The following NBAS variants were observed in gnomAD, a reference collection of about 807,000 sequenced individuals.
NBAS encodes NAG/BC035112 fusion.
A neutral mutation model predicts 302.5 loss-of-function variants in NBAS; 219 were observed. The ratio of observed to expected loss-of-function variants is 0.72; its 90% confidence interval spans 0.65 to 0.81. The LOEUF (loss-of-function observed/expected upper bound fraction) is 0.81, where lower values mean the gene tolerates loss of function less well. NBAS is among the 30% of genes least tolerant of loss of function. The pLI is 0.00. For missense variants in NBAS, 2,932 were observed against 2,841.6 expected, an observed-to-expected ratio of 1.03 and a Z score of -0.72; for synonymous variants, 1,118 against 1,021.6, an observed-to-expected ratio of 1.09 and a Z score of -1.80.
intron 16 of NBAS, among the ~76,000 whole-genome samples, chr2:15,468,803 T>C (rs1679834932): frequency 6.6e-6 from 1 of 152,222 alleles, no homozygotes. Context: ...TTTTTGGAAA[T>C]ATAAAATGTT....
chr2:15,507,215 A>C (rs1207615243), intron 10 of NBAS, among the ~76,000 whole-genome samples: 3 of 152,238 alleles, frequency 2.0e-5, no homozygotes, highest in Admixed American at 2.0e-4. Context: ...CCTTAGCCTG[A>C]GCAAGGACAG....
intron 26 of NBAS, chr2:15,397,548 T>C (rs1572781468): frequency 3.3e-6 from 2 of 613,300 alleles, no homozygotes; most frequent in East Asian, 4.3e-5. Context: ...TTGCTGTGAA[T>C]TGCACAACCC....
chr2:14,981,074 C>G, the NBAS span, among the ~76,000 whole-genome samples: 1 of 150,584 alleles, frequency 6.6e-6, no homozygotes, highest in African/African-American at 2.4e-5. Flanking sequence ...GAAAAAAAAA[C>G]AGAAGAAAAA....
the NBAS span, among the ~76,000 whole-genome samples, chr2:15,107,312 A>G: frequency 6.6e-6 from 1 of 152,078 alleles, no homozygotes; most frequent in Non-Finnish European, 1.5e-5. Flanking sequence ...GCCAAGAAGA[A>G]AGTCCTCATG....
chr2:15,459,085 G>C (rs1439927270), intron 21 of NBAS, among the ~76,000 whole-genome samples: 1 of 152,170 alleles, frequency 6.6e-6, no homozygotes, highest in African/African-American at 2.4e-5. Flanking sequence ...GTGTGGCATT[G>C]GGTACTGTGC....
At chr2:14,989,397 G>C in the NBAS span, among the ~76,000 whole-genome samples, 1 of 150,962 alleles carries the variant, frequency 6.6e-6, no homozygotes, top group Non-Finnish European at 1.5e-5. Context: ...ATCTCTACTA[G>C]AAATACAAAA....
chr2:15,322,207 G>A (rs1385446487), intron 38 of NBAS, among the ~76,000 whole-genome samples: 1 of 149,836 alleles, frequency 6.7e-6, no homozygotes, highest in Non-Finnish European at 1.5e-5. Context: ...TTGGACACAG[G>A]GCGGGGAACA....
At chr2:15,291,429 G>T (rs950693641) in intron 41 of NBAS, among the ~76,000 whole-genome samples, 3 of 152,144 alleles carry the variant, frequency 2.0e-5, no homozygotes, top group African/African-American at 7.2e-5. Flanking sequence ...AATAAATTGT[G>T]GTCTTAGAAA....
chr2:14,911,389 C>T, the NBAS span, among the ~76,000 whole-genome samples: 5 of 152,158 alleles, frequency 3.3e-5, no homozygotes, highest in African/African-American at 1.2e-4. Flanking sequence ...CTCAGGAATC[C>T]ATGAGGATCA....
chr2:15,253,709 C>T (rs1270274739), intron 44 of NBAS, among the ~76,000 whole-genome samples: 1 of 152,192 alleles, frequency 6.6e-6, no homozygotes, highest in African/African-American at 2.4e-5. Context: ...ATGTCTGACA[C>T]TCTTCCTGAG....
At chr2:15,316,795 G>A (rs1671535947) in intron 38 of NBAS, among the ~76,000 whole-genome samples, 1 of 152,226 alleles carries the variant, frequency 6.6e-6, no homozygotes, top group African/African-American at 2.4e-5. Flanking sequence ...TCCGTGGGCA[G>A]GGCACAGCTG....
chr2:15,027,896 T>G, the NBAS span, among the ~76,000 whole-genome samples: 2 of 152,210 alleles, frequency 1.3e-5, no homozygotes, highest in Admixed American at 1.3e-4. Context: ...ACTGTGGCCA[T>G]GCAGGCTTTC....
intron 40 of NBAS, among the ~76,000 whole-genome samples, chr2:15,307,739 T>C (rs929745638): frequency 6.6e-6 from 1 of 152,026 alleles, no homozygotes; most frequent in Non-Finnish European, 1.5e-5. Context: ...CTGTCTGAGG[T>C]TTTTGGCAAG....
At position 15,475,785 on chromosome 2, in the gene NBAS, C is replaced by A. The variant is rs1298081445; in HGVS notation, c.1243G>T (p.Val415Leu). 5 of 1,614,046 alleles carry A rather than the reference C, an allele frequency of 3.1e-6. No individual in the cohort carries two copies. The highest frequency in any genetic ancestry group is 4.2e-6 in the Non-Finnish European group (5 of 1,179,938). The change falls in exon 14 of 52, where the codon GTG becomes TTG. Residue 415 changes from valine to leucine, a missense_variant. Coordinates refer to ENST00000281513, the MANE Select transcript of NBAS (RefSeq NM_015909.4). ...CCCAGTAAATTCTTCAAAGTTTTCACAGATGAAACAGTTAAAGCACCAGAG... is the reference window on the plus strand; with the variant it reads ...CCCAGTAAATTCTTCAAAGTTTTCAAAGATGAAACAGTTAAAGCACCAGAG... Reference protein sequence around the residue: ...RCSGALTVSSVKTLKNLLGKS... With the variant: ...RCSGALTVSSLKTLKNLLGKS...
chr2:14,913,052 A>G, the NBAS span, among the ~76,000 whole-genome samples: 9 of 152,224 alleles, frequency 5.9e-5, no homozygotes, highest in Non-Finnish European at 1.2e-4. Flanking sequence ...CCCATTTATA[A>G]GAGGCTGTAT....
chr2:14,841,382 A>C, the NBAS span, among the ~76,000 whole-genome samples: 1 of 140,590 alleles, frequency 7.1e-6, no homozygotes. Flanking sequence ...TAAGAGACAG[A>C]GTGGCTAAAG....
the NBAS span, among the ~76,000 whole-genome samples, chr2:14,940,859 C>A: frequency 6.6e-6 from 1 of 152,214 alleles, no homozygotes; most frequent in Non-Finnish European, 1.5e-5. Context: ...TACAACTCAC[C>A]ACATTGCAAT....
chr2:15,268,086 T>C (rs1222272969), intron 44 of NBAS, among the ~76,000 whole-genome samples: 1 of 152,186 alleles, frequency 6.6e-6, no homozygotes, highest in Non-Finnish European at 1.5e-5. Flanking sequence ...AGACATTTGG[T>C]TGGATATGTG....
the NBAS span, among the ~76,000 whole-genome samples, chr2:14,817,682 T>C: frequency 6.6e-6 from 1 of 152,188 alleles, no homozygotes; most frequent in African/African-American, 2.4e-5. Context: ...TACCTATAAA[T>C]ATATTCTTGT....
Sources: allele counts gnomAD v4.1 joint callset (sites outside exome capture counted in the v4.1 genomes callset), GRCh38; gene constraint gnomAD v4.1.1; transcripts MANE v1.5; gene names NCBI Gene and HGNC (gene_info 2026-07-23, HGNC 2026-07-21).